Variants in CADPS2 observed in about 807,000 individuals in gnomAD.
The protein encoded by CADPS2 is calcium dependent secretion activator 2, also known as calcium-dependent secretion activator 2.
A neutral mutation model predicts 172.5 loss-of-function variants in CADPS2; 93 were observed. That is an observed-to-expected ratio of 0.54 (90% CI 0.46 to 0.64). The LOEUF is 0.64. Among genes scored for constraint, CADPS2 ranks in the 30% least tolerant of loss-of-function variants. The probability of loss-of-function intolerance (pLI) is 0.00; values close to 1 mark genes in which losing one functional copy is unlikely to be tolerated. For synonymous variants in CADPS2, 546 were observed against 555.2 expected (o/e 0.98, Z 0.23); for missense variants, 1,420 against 1,565.9 (o/e 0.91, Z 1.57).
At chr7:122,379,792 A>C (rs2151355039) in intron 24 of CADPS2, among the ~76,000 whole-genome samples, 1 of 152,262 alleles carries the variant, frequency 6.6e-6, no homozygotes, top group African/African-American at 2.4e-5. Context: ...GTTTAGCTGG[A>C]GAAGCAAAAA....
intron 1 of CADPS2, among the ~76,000 whole-genome samples, chr7:122,822,140 T>C (rs1803486451): frequency 6.6e-6 from 1 of 151,222 alleles, no homozygotes; most frequent in African/African-American, 2.4e-5. Flanking sequence ...CTCTTAACTC[T>C]TGAAGTAAAT....
intron 8 of CADPS2, among the ~76,000 whole-genome samples, chr7:122,532,770 TAC>T (rs2061891571): frequency 6.6e-6 from 1 of 152,176 alleles, no homozygotes; most frequent in African/African-American, 2.4e-5. Context: ...TCTAAAAGTA[TAC>T]AGTTATATTT....
intron 22 of CADPS2, among the ~76,000 whole-genome samples, chr7:122,392,965 A>C (rs147533640): frequency 2.6e-4 from 39 of 152,228 alleles, no homozygotes; most frequent in African/African-American, 8.9e-4. Flanking sequence ...TGTCCCACAG[A>C]TTATATATGA....
chr7:122,509,152 G>A (rs2059836391), intron 9 of CADPS2, among the ~76,000 whole-genome samples: 1 of 152,142 alleles, frequency 6.6e-6, no homozygotes, highest in Admixed American at 6.5e-5. Context: ...TCTCAAGTGA[G>A]TGAGAGGAGT....
intron 1 of CADPS2, among the ~76,000 whole-genome samples, chr7:122,881,402 AG>A (rs1314701431): frequency 6.6e-6 from 1 of 152,178 alleles, no homozygotes; most frequent in Admixed American, 6.5e-5. Flanking sequence ...ACCCTGTGGA[AG>A]GTTAAAAGAA....
intron 8 of CADPS2, among the ~76,000 whole-genome samples, 151 bp from the exon 9 acceptor site, chr7:122,513,466 C>A (rs1586763153): frequency 2.0e-5 from 3 of 152,302 alleles, no homozygotes; most frequent in South Asian, 4.1e-4. Context: ...CCTGCAGCTT[C>A]TGTGATACAA....
chr7:122,658,908 T>G (rs1449490936), intron 3 of CADPS2, among the ~76,000 whole-genome samples: 2 of 151,532 alleles, frequency 1.3e-5, no homozygotes, highest in Non-Finnish European at 1.5e-5. Flanking sequence ...TAAGGAGATT[T>G]AATAATATGT....
At chr7:122,689,845 A>C (rs2084103489) in intron 2 of CADPS2, among the ~76,000 whole-genome samples, 1 of 152,136 alleles carries the variant, frequency 6.6e-6, no homozygotes, top group Admixed American at 6.5e-5. Flanking sequence ...TGGTGTCCGC[A>C]ATGGGGGCAC....
chr7:122,638,979 T>C (rs901640892), intron 3 of CADPS2, among the ~76,000 whole-genome samples: 5 of 152,220 alleles, frequency 3.3e-5, no homozygotes, highest in Admixed American at 2.6e-4. Context: ...CCCTAAGTCC[T>C]ACATGTCTTT....
chr7:122,804,175 T>C (rs745618759), intron 1 of CADPS2, among the ~76,000 whole-genome samples: 5 of 152,240 alleles, frequency 3.3e-5, no homozygotes, highest in Admixed American at 1.3e-4. Context: ...GCCCACTTAG[T>C]TTCCTTTCCC....
At chr7:122,858,496 T>C (rs959487646) in intron 1 of CADPS2, among the ~76,000 whole-genome samples, 1 of 152,146 alleles carries the variant, frequency 6.6e-6, no homozygotes, top group Non-Finnish European at 1.5e-5. Context: ...ATGACCTTAC[T>C]CAGATTGTTT....
At chr7:122,523,574 C>G (rs1309335874) in intron 8 of CADPS2, among the ~76,000 whole-genome samples, 1 of 151,976 alleles carries the variant, frequency 6.6e-6, no homozygotes, top group Non-Finnish European at 1.5e-5. Context: ...TTTTAAAAAT[C>G]AACCAACAAA....
chr7:122,723,159 C>A (rs1357001180), intron 2 of CADPS2, among the ~76,000 whole-genome samples: 1 of 152,094 alleles, frequency 6.6e-6, no homozygotes, highest in African/African-American at 2.4e-5. Flanking sequence ...GCAATGGCAA[C>A]AAAAGCCAAA....
chr7:122,837,799 C>A (rs1026184299), intron 1 of CADPS2, among the ~76,000 whole-genome samples: 2 of 152,120 alleles, frequency 1.3e-5, no homozygotes, highest in South Asian at 2.1e-4. Context: ...AGCCTACCAA[C>A]CAATAAAAGT....
chr7:122,536,356 C>G (rs1364326234), intron 8 of CADPS2, among the ~76,000 whole-genome samples: 1 of 151,826 alleles, frequency 6.6e-6, no homozygotes, highest in East Asian at 1.9e-4. Flanking sequence ...AGTAAGAGAG[C>G]TAAGAAAGAT....
chr7:122,557,784 T>TC (rs1200331227), intron 7 of CADPS2, among the ~76,000 whole-genome samples: 1 of 152,204 alleles, frequency 6.6e-6, no homozygotes, highest in Non-Finnish European at 1.5e-5. Flanking sequence ...ATTCATGCTT[T>TC]CACCAGTATA....
Position 122,328,362 on chromosome 7 carries a change from T to G in CADPS2, c.3613-2781A>C, listed in dbSNP as rs1329886047. ...CACCAAACCAAACCAAACAAAAAAT[T>G]GGAAAAGGGTGAATGTGCAGTAAAG... On this transcript the variant is annotated intron_variant, in intron 28 of 29. Transcript: ENST00000449022. The G allele has an allele frequency of 2.0e-5, 3 of 152,070 alleles. No homozygotes were observed. The East Asian group carries it at 5.8e-4, about 29-fold the overall frequency. The allele number at this position is 152,070 out of a possible 1,614,324, so 9.4% of individuals were successfully genotyped here.
intron 2 of CADPS2, among the ~76,000 whole-genome samples, chr7:122,674,707 A>T (rs1758530438): frequency 6.6e-6 from 1 of 152,222 alleles, no homozygotes; most frequent in African/African-American, 2.4e-5. Flanking sequence ...AAAGGATTTT[A>T]TAATGACGAG....
intron 3 of CADPS2, among the ~76,000 whole-genome samples, chr7:122,644,254 T>C (rs769794735): frequency 7.2e-5 from 11 of 152,164 alleles, no homozygotes; most frequent in Non-Finnish European, 1.0e-4. Flanking sequence ...TCTTGGATAA[T>C]TGCATTATCT....
Sources: gnomAD v4.1 joint callset for allele counts (sites outside exome capture counted in the v4.1 genomes callset) on GRCh38, gnomAD v4.1.1 for gene constraint, MANE v1.5 for transcripts, NCBI Gene and HGNC (gene_info 2026-07-23, HGNC 2026-07-21) for gene names.